Variants in TRIO observed in about 807,000 individuals in gnomAD.
TRIO encodes triple functional domain protein.
A neutral mutation model predicts 351.9 loss-of-function variants in TRIO; 58 were observed. The observed-to-expected ratio is 0.16, with a 90% confidence interval of 0.13 to 0.21. TRIO has a LOEUF of 0.21. Among genes scored for constraint, TRIO ranks in the 10% least tolerant of loss-of-function variants. The pLI is 1.00. For missense variants in TRIO, 3,201 were observed against 4,027.8 expected (o/e 0.79, Z 5.56); for synonymous variants, 1,758 against 1,595.7 (o/e 1.10, Z -2.42).
chr5:14,308,771 ATTC>A (rs1738631352), intron 8 of TRIO, among the ~76,000 whole-genome samples: 2 of 80,960 alleles, frequency 2.5e-5, no homozygotes, highest in Non-Finnish European at 4.7e-5. Context: ...TTACCCATCC[ATTC>A]ATCTATCCAA....
chr5:14,187,221 A>G (rs1218495580), intron 1 of TRIO, among the ~76,000 whole-genome samples: 1 of 152,130 alleles, frequency 6.6e-6, no homozygotes, highest in Admixed American at 6.5e-5. Context: ...CTTTTTCCCC[A>G]CTCCACTGTT....
At chr5:14,428,898 A>C (rs1750864329) in intron 34 of TRIO, among the ~76,000 whole-genome samples, 1 of 152,214 alleles carries the variant, frequency 6.6e-6, no homozygotes. Flanking sequence ...TGGGCCAAGC[A>C]GGGCCACACA....
intron 21 of TRIO, 104 bp downstream of exon 21, chr5:14,381,356 G>A: frequency 7.1e-7 from 1 of 1,401,458 alleles, no homozygotes; most frequent in Non-Finnish European, 9.4e-7. Flanking sequence ...GGATGACCCA[G>A]TGGGCTGTTC....
chr5:14,418,211 C>T (rs1383892396), intron 33 of TRIO, among the ~76,000 whole-genome samples: 2 of 152,132 alleles, frequency 1.3e-5, no homozygotes, highest in Non-Finnish European at 2.9e-5. Flanking sequence ...ACAGGCAGGA[C>T]CCCTCAGGAG....
At position 14,151,089 on chromosome 5, in the gene TRIO, G is replaced by A. The variant is rs549646682; in HGVS notation, c.157+7207G>A. 6.6e-5 allele frequency among the ~76,000 whole-genome samples: 10 copies of A among 152,288 alleles called. No individual in the cohort carries two copies. In the South Asian group the frequency reaches 1.5e-3, roughly 22 times the overall value. ...TTCAGCGCCTCACAGTTCCTGGTGC[G>A]AAAGAAGAAGTTTAGTTTCATCTGG... is the stretch of plus-strand genomic sequence containing the variant. On this transcript the variant is annotated intron_variant, in intron 1 of 56. Coordinates refer to ENST00000344204, the MANE Select transcript of TRIO (RefSeq NM_007118.4).
rs1447184141 is a variant in TRIO at position 14,240,771 on chromosome 5, A to G, written c.158-30054A>G. Among the ~76,000 whole-genome samples, 5 of 152,372 alleles carry G rather than the reference A, an allele frequency of 3.3e-5. No homozygotes were observed. The East Asian group carries it at 5.8e-4, about 18-fold the overall frequency. ...GTTCTAAACAAGACCTCAATTGTCA[A>G]TATTACATTTTGCAAATCTACTAAT... On this transcript the variant is annotated intron_variant, in intron 1 of 56. Transcript: ENST00000344204.
At position 14,462,758 on chromosome 5, in the gene TRIO, G is replaced by A. The variant is rs775676229; in HGVS notation, c.5500G>A (p.Gly1834Ser). 6 of 1,614,162 alleles carry A rather than the reference G, an allele frequency of 3.7e-6. 1 individual carries two copies. In the South Asian group the frequency reaches 6.6e-5, roughly 18 times the overall value. Residue 1834 changes from glycine to serine, a missense_variant, in exon 36 of 57, where the codon GGC becomes AGC. By Grantham distance (56) the Gly-to-Ser change is moderately conservative. Around this residue, in one of 19 missense-constraint regions of TRIO, gnomAD observed 193 missense variants for 218.8 expected, o/e 0.88. Coordinates refer to ENST00000344204, the MANE Select transcript of TRIO (RefSeq NM_007118.4). Reference sequence around the variant, plus strand: ...GCAAATCTTGACTGGATTTCAGAGAGGCCGGAACGAGGGCCTGAGCAGCGG... The same window carrying A: ...GCAAATCTTGACTGGATTTCAGAGAAGCCGGAACGAGGGCCTGAGCAGCGG... ...TPQDETVEER[G>S]RNEGLSSGTL...
intron 37 of TRIO, chr5:14,466,356 A>C (rs1305928769): frequency 1.3e-5 from 2 of 152,028 alleles, no homozygotes; most frequent in African/African-American, 2.4e-5. Context: ...TTGGGTTCAC[A>C]ATGTGTGAGA....
chr5:14,211,971 A>AAC (rs397996838), intron 1 of TRIO, among the ~76,000 whole-genome samples: 1 of 149,932 alleles, frequency 6.7e-6, no homozygotes, highest in East Asian at 2.0e-4. Context: ...AACCAAAAAA[A>AAC]CAAAAACAAA....
intron 48 of TRIO, 173 bp downstream of exon 48, chr5:14,488,433 A>G: frequency 1.1e-6 from 1 of 904,160 alleles, no homozygotes. Flanking sequence ...CGGCGCTACT[A>G]ACTACTCCTT....
At chr5:14,500,780 C>A (rs1757231099) in intron 53 of TRIO, among the ~76,000 whole-genome samples, 1 of 151,126 alleles carries the variant, frequency 6.6e-6, no homozygotes, top group South Asian at 2.1e-4. Flanking sequence ...CCCAACTACT[C>A]TGGAGGCTGA....
In TRIO at chr5:14,464,221, T is replaced by A. The variant is rs567032951; in HGVS notation, c.5667+1296T>A. On this transcript the variant is annotated intron_variant, in intron 36 of 56. Transcript: ENST00000344204. ...ATTTTGTAATACGCTAAGCCATGCC[T>A]TTTTGAAAAGCAGAAAACTGGCATT... Among the ~76,000 whole-genome samples the A allele has an allele frequency of 3.9e-4, 59 of 152,328 alleles. 1 individual carries two copies. Among genetic ancestry groups the A allele is most frequent in the Admixed American group, 3.5e-3 (53 of 15,300 alleles).
chr5:14,473,804 T>C (rs891823736), intron 39 of TRIO, among the ~76,000 whole-genome samples, 190 bp from the exon 40 acceptor site: 4 of 152,230 alleles, frequency 2.6e-5, no homozygotes, highest in Non-Finnish European at 5.9e-5. Flanking sequence ...GCAATGAATG[T>C]AATAGGTATA....
At chr5:14,153,379 A>G (rs1387454426) in intron 1 of TRIO, among the ~76,000 whole-genome samples, 1 of 152,178 alleles carries the variant, frequency 6.6e-6, no homozygotes, top group Non-Finnish European at 1.5e-5. Flanking sequence ...CAAAGTAGTA[A>G]CCTGCTTGCA....
intron 1 of TRIO, among the ~76,000 whole-genome samples, chr5:14,152,756 G>A (rs1787912445): frequency 6.6e-6 from 1 of 152,178 alleles, no homozygotes; most frequent in Admixed American, 6.5e-5. Context: ...CCTGGAGAAC[G>A]GGTGCTAATT....
At chr5:14,477,479 A>G (rs1029362286) in intron 41 of TRIO, 3 of 152,204 alleles carry the variant, frequency 2.0e-5, no homozygotes, top group Non-Finnish European at 4.4e-5. Flanking sequence ...TCTGCATCCA[A>G]CTCATTGCTG....
At chr5:14,405,638 C>T (rs967860225) in intron 31 of TRIO, among the ~76,000 whole-genome samples, 11 of 152,064 alleles carry the variant, frequency 7.2e-5, no homozygotes, top group African/African-American at 2.4e-4. Context: ...GAGTAATATA[C>T]GTGCTATAAA....
At position 14,202,294 on chromosome 5, in the gene TRIO, A is replaced by ATTTTTTTTTTTTT. The variant is rs60827656; in HGVS notation, c.157+58436_157+58448dup. On this transcript the variant is annotated intron_variant, in intron 1 of 56. Transcript: ENST00000344204. ...TTAAAACATTTTGAATATTTTTGTGATTTTTTTTTTTTTTTTTTTTTTTTT... is the reference window on the plus strand; with the variant it reads ...TTAAAACATTTTGAATATTTTTGTGATTTTTTTTTTTTTTTTTTTTTTTTTTTTTTTTTTTTTT... 6.0e-4 allele frequency among the ~76,000 whole-genome samples: 20 copies of ATTTTTTTTTTTTT among 33,560 alleles called. 2 individuals are homozygous for ATTTTTTTTTTTTT. Among genetic ancestry groups the ATTTTTTTTTTTTT allele is most frequent in the African/African-American group, 1.3e-3 (13 of 10,048 alleles). The allele number at this position is 33,560 out of a possible 152,430, so 22.0% of individuals were successfully genotyped here.
At chr5:14,411,338 C>T (rs941023805) in intron 33 of TRIO, among the ~76,000 whole-genome samples, 10 of 152,094 alleles carry the variant, frequency 6.6e-5, no homozygotes, top group Admixed American at 2.6e-4. Context: ...AAATAGAAAA[C>T]ATGGAACTCA....
Sources: allele counts gnomAD v4.1 joint callset (sites outside exome capture counted in the v4.1 genomes callset), GRCh38; gene constraint gnomAD v4.1.1; regional missense constraint gnomAD v4.1.1; transcripts MANE v1.5; gene names NCBI Gene and HGNC (gene_info 2026-07-23, HGNC 2026-07-21).